The following CFAP221 variants were observed in gnomAD, a reference collection of about 807,000 sequenced individuals.
The protein encoded by CFAP221 is cilia- and flagella-associated protein 221.
CFAP221 carries 97 observed loss-of-function variants against 113.1 expected under a neutral mutation model. The ratio of observed to expected loss-of-function variants is 0.86; its 90% CI spans 0.73 to 1.02. CFAP221 has a LOEUF of 1.02. Among genes scored for constraint, CFAP221 ranks in the 50% least tolerant of loss-of-function variants. The pLI, the probability that CFAP221 is intolerant of heterozygous loss-of-function variation, is 0.00. For synonymous variants in CFAP221, 331 were observed against 354.4 expected (o/e 0.93, Z 0.74); for missense variants, 1,025 against 1,013.4 (o/e 1.01, Z -0.16).
At chr2:119,554,568 T>C (rs1396442337) in intron 3 of CFAP221, among the ~76,000 whole-genome samples, 1 of 152,196 alleles carries the variant, frequency 6.6e-6, no homozygotes, top group Non-Finnish European at 1.5e-5. Context: ...TAATATTTGT[T>C]TTTACATCAG....
chr2:119,548,218 C>T (rs1680184264), intron 2 of CFAP221, among the ~76,000 whole-genome samples: 1 of 152,184 alleles, frequency 6.6e-6, no homozygotes, highest in Non-Finnish European at 1.5e-5. Flanking sequence ...CCTGTCTCAG[C>T]CTCCCAAAAT....
chr2:119,549,500 T>C (rs1212658242), intron 3 of CFAP221, among the ~76,000 whole-genome samples: 1 of 152,228 alleles, frequency 6.6e-6, no homozygotes, highest in African/African-American at 2.4e-5. Flanking sequence ...CTGTGGAGGC[T>C]GCATTATTCC....
At chr2:119,605,111 A>AT (rs1156614356) in intron 10 of CFAP221, 70 bp from the exon 11 acceptor site, 17 of 1,487,798 alleles carry the variant, frequency 1.1e-5, no homozygotes, top group Non-Finnish European at 1.6e-5. Flanking sequence ...GCCATTAGAA[A>AT]TGTGTTTTTC....
intron 23 of CFAP221, among the ~76,000 whole-genome samples, chr2:119,655,439 C>T (rs993433917): frequency 1.3e-5 from 2 of 152,180 alleles, no homozygotes; most frequent in African/African-American, 4.8e-5. Context: ...CATTAGGGAA[C>T]ATCTTAATTC....
rs576987989 is a variant in CFAP221, at chr2:119,598,057, T to G, written c.632-3161T>G. 2.6e-5 allele frequency among the ~76,000 whole-genome samples: 4 copies of G among 152,330 alleles called. No individual in the cohort carries two copies. In the East Asian group the frequency reaches 7.7e-4, roughly 29 times the overall value. Reference sequence around the variant, plus strand: ...GACTCTTTTCTGCCTCAATAACACCTTAAGTATGTGGCTCGAATGGCTCTA... The same window carrying G: ...GACTCTTTTCTGCCTCAATAACACCGTAAGTATGTGGCTCGAATGGCTCTA... On this transcript the variant is annotated intron_variant, in intron 7 of 23. Coordinates refer to ENST00000413369, the MANE Select transcript of CFAP221 (RefSeq NM_001271049.2).
intron 7 of CFAP221, among the ~76,000 whole-genome samples, chr2:119,590,885 G>C (rs1683551332): frequency 6.6e-6 from 1 of 152,132 alleles, no homozygotes; most frequent in African/African-American, 2.4e-5. Flanking sequence ...AACTGTGCGG[G>C]GTACAGATCA....
intron 6 of CFAP221, 139 bp downstream of exon 6, chr2:119,562,253 CA>C (rs10628972): frequency 0.07 from 18,889 of 271,532 alleles, no homozygotes; most frequent in Middle Eastern, 0.12. Context: ...TTGTAAAAGG[CA>C]AAAAAAAAAA....
At chr2:119,597,009 G>A (rs1006115742) in intron 7 of CFAP221, among the ~76,000 whole-genome samples, 1 of 152,196 alleles carries the variant, frequency 6.6e-6, no homozygotes, top group Non-Finnish European at 1.5e-5. Context: ...TCCTGTGTAA[G>A]AACTCAAGCG....
intron 16 of CFAP221, 26 bp downstream of exon 16, chr2:119,627,812 G>A (rs971104805): frequency 1.2e-6 from 2 of 1,612,210 alleles, no homozygotes; most frequent in Non-Finnish European, 8.5e-7. Flanking sequence ...CTTGGGGGCG[G>A]GGAGTGGACA....
chr2:119,572,758 G>C (rs1182413813), intron 6 of CFAP221: 2 of 546,020 alleles, frequency 3.7e-6, no homozygotes, highest in Non-Finnish European at 6.6e-6. Context: ...CTGAAGATCT[G>C]GTAAAATGAT....
At chr2:119,578,428 G>A (rs1331371952) in intron 6 of CFAP221, among the ~76,000 whole-genome samples, 1 of 152,134 alleles carries the variant, frequency 6.6e-6, no homozygotes, top group Admixed American at 6.5e-5. Context: ...AATGGCACAC[G>A]ATACATCATT....
At chr2:119,656,283 C>T (rs1468705254) in intron 23 of CFAP221, 79 bp from the exon 24 acceptor site, 16 of 1,117,782 alleles carry the variant, frequency 1.4e-5, no homozygotes, top group Non-Finnish European at 2.7e-6. Context: ...CGACCTTCAC[C>T]AGCACTGCTG....
chr2:119,624,512 A>G (rs1164410664), intron 14 of CFAP221, among the ~76,000 whole-genome samples: 1 of 152,226 alleles, frequency 6.6e-6, no homozygotes, highest in Non-Finnish European at 1.5e-5. Context: ...CAGCAGTCCC[A>G]TTACTGGGTA....
chr2:119,572,533 C>CA (rs1300613415), intron 6 of CFAP221: 1 of 701,194 alleles, frequency 1.4e-6, no homozygotes, highest in Admixed American at 2.0e-5. Flanking sequence ...TCATCATGCT[C>CA]TGTAGTTTAC....
chr2:119,545,570 A>T (rs867934500), intron 1 of CFAP221, among the ~76,000 whole-genome samples: 12 of 152,242 alleles, frequency 7.9e-5, no homozygotes, highest in Middle Eastern at 3.4e-3. Context: ...CCCCCTCCTC[A>T]TCACCCTGTT....
chr2:119,619,648 G>A (rs1354758533), intron 14 of CFAP221, among the ~76,000 whole-genome samples: 2 of 152,122 alleles, frequency 1.3e-5, no homozygotes, highest in African/African-American at 4.8e-5. Context: ...AGTGCAAAAA[G>A]GCTGAAAATT....
chr2:119,642,207 G>A (rs138466511), intron 21 of CFAP221, among the ~76,000 whole-genome samples: 20 of 152,230 alleles, frequency 1.3e-4, no homozygotes, highest in African/African-American at 4.6e-4. Flanking sequence ...TAAAATCAAG[G>A]GAGGATTCTG....
intron 6 of CFAP221, among the ~76,000 whole-genome samples, chr2:119,572,325 G>A (rs939198101): frequency 4.6e-5 from 7 of 152,106 alleles, no homozygotes; most frequent in Non-Finnish European, 7.3e-5. Flanking sequence ...CCTTCTGTAG[G>A]TTGAAACTGT....
At chr2:119,572,615 C>T (rs766568602) in intron 6 of CFAP221, 1 of 695,002 alleles carries the variant, frequency 1.4e-6, no homozygotes. Context: ...ACCAGTTGCT[C>T]TCCCATCAAC....
Sources: allele counts gnomAD v4.1 joint callset (sites outside exome capture counted in the v4.1 genomes callset), GRCh38; gene constraint gnomAD v4.1.1; transcripts MANE v1.5; gene names NCBI Gene and HGNC (gene_info 2026-07-23, HGNC 2026-07-21).